Variants in ZNF469 observed in about 807,000 individuals in gnomAD.
The protein encoded by ZNF469 is zinc finger protein 469.
Under a neutral mutation model 1.0 loss-of-function variants are expected in ZNF469, and 1 was observed. The observed-to-expected ratio is 1.00, with a 90% CI of 0.35 to 4.73. The LOEUF (loss-of-function observed/expected upper bound fraction) is 4.73, where lower values mean the gene tolerates loss of function less well. Ranked by LOEUF, ZNF469 falls within the 30% of genes most tolerant of loss-of-function variation. ZNF469 has a pLI of 0.16. For missense variants in ZNF469, 6,100 were observed against 5,356.3 expected (o/e 1.14, Z -4.33); for synonymous variants, 2,703 against 2,363.4 (o/e 1.14, Z -4.17).
chr16:88,152,148 G>A, the ZNF469 span, among the ~76,000 whole-genome samples: 2 of 152,186 alleles, frequency 1.3e-5, no homozygotes, highest in Non-Finnish European at 2.9e-5. The surrounding 1 kb of genome is among the most constrained non-coding windows in gnomAD (Gnocchi z 4.2). Flanking sequence ...TCAGGCTGTG[G>A]ATGCAAAAAC....
At chr16:88,391,747 C>A (rs1904497800) in intron 1 of ZNF469, among the ~76,000 whole-genome samples, 1 of 152,218 alleles carries the variant, frequency 6.6e-6, no homozygotes, top group African/African-American at 2.4e-5. Flanking sequence ...CACATCTCAT[C>A]GGCTTTCAAG....
chr16:88,229,560 G>T, the ZNF469 span, among the ~76,000 whole-genome samples: 1 of 135,508 alleles, frequency 7.4e-6, no homozygotes, highest in African/African-American at 2.6e-5. Context: ...TCACACGTGT[G>T]GATGTCACGC....
At chr16:88,202,691 C>T in the ZNF469 span, among the ~76,000 whole-genome samples, 1 of 152,128 alleles carries the variant, frequency 6.6e-6, no homozygotes, top group African/African-American at 2.4e-5. Context: ...TCCAGGTGGC[C>T]GGATGGTGGT....
the ZNF469 span, among the ~76,000 whole-genome samples, chr16:88,356,715 C>A: frequency 6.6e-6 from 1 of 152,182 alleles, no homozygotes; most frequent in Non-Finnish European, 1.5e-5. Context: ...GGGTTTCCGT[C>A]GTTCCGTGAC....
chr16:88,214,456 C>G, the ZNF469 span, among the ~76,000 whole-genome samples: 1 of 138,710 alleles, frequency 7.2e-6, no homozygotes, highest in Non-Finnish European at 1.6e-5. Flanking sequence ...TCTACCTCTC[C>G]TTTTAGTTCT....
At chr16:88,154,615 G>T in the ZNF469 span, among the ~76,000 whole-genome samples, 2 of 152,248 alleles carry the variant, frequency 1.3e-5, no homozygotes, top group Non-Finnish European at 1.5e-5. Flanking sequence ...CTGAGGAGGA[G>T]CTGAGGCTCA....
the ZNF469 span, among the ~76,000 whole-genome samples, chr16:88,140,951 A>G: frequency 6.6e-6 from 1 of 151,966 alleles, no homozygotes; most frequent in Non-Finnish European, 1.5e-5. Flanking sequence ...AAACAAACAA[A>G]AAAACAAAAA....
At chr16:88,146,320 C>T in the ZNF469 span, among the ~76,000 whole-genome samples, 1 of 152,190 alleles carries the variant, frequency 6.6e-6, no homozygotes. Flanking sequence ...AGGGTGAGGT[C>T]AGGCCCTTCT....
At chr16:88,335,370 G>GC in the ZNF469 span, among the ~76,000 whole-genome samples, 2 of 152,240 alleles carry the variant, frequency 1.3e-5, no homozygotes, top group Non-Finnish European at 2.9e-5. Context: ...GTGGATGAGG[G>GC]CCACTCCGGG....
chr16:88,242,169 C>G, the ZNF469 span, among the ~76,000 whole-genome samples: 1 of 152,332 alleles, frequency 6.6e-6, no homozygotes, highest in Non-Finnish European at 1.5e-5. Flanking sequence ...GCAACCGGCT[C>G]TAGTGGTCAA....
the ZNF469 span, among the ~76,000 whole-genome samples, chr16:88,361,742 A>G: frequency 1.3e-5 from 2 of 150,844 alleles, no homozygotes; most frequent in Admixed American, 1.3e-4. Context: ...TTTTTCTCAT[A>G]TGTTCTTGCT....
chr16:88,433,766 CAG>C lies in ZNF469; in HGVS notation c.6297_6298del (p.Asp2101Ter), dbSNP rs764745826. The C allele has an allele frequency of 1.3e-6, 2 of 1,549,566 alleles. No homozygotes were observed. Among genetic ancestry groups the C allele is most frequent in the African/African-American group, 1.4e-5 (1 of 73,174 alleles). On this transcript the variant is annotated frameshift_variant, in exon 3 of 3. Transcript: ENST00000565624. LOFTEE classifies it low-confidence loss of function (END_TRUNC). Reference sequence around the variant, plus strand: ...GGCCTGAACAAGCCACTGCTGGCCACAGGGGATAGCCCAGCACCCTCTGTCGG... The same window carrying C: ...GGCCTGAACAAGCCACTGCTGGCCACGGGATAGCCCAGCACCCTCTGTCGG...
intron 1 of ZNF469, among the ~76,000 whole-genome samples, chr16:88,397,624 G>C (rs1258844494): frequency 1.1e-5 from 1 of 89,670 alleles, no homozygotes; most frequent in Non-Finnish European, 2.3e-5. Flanking sequence ...TGGATGGGTG[G>C]ATGGATGGAT....
chr16:88,394,917 G>C (rs1259319661), intron 1 of ZNF469, among the ~76,000 whole-genome samples: 1 of 152,030 alleles, frequency 6.6e-6, no homozygotes, highest in African/African-American at 2.4e-5. Context: ...TACTCACCCC[G>C]ATCCCTCCCT....
At chr16:88,267,475 T>C in the ZNF469 span, among the ~76,000 whole-genome samples, 1 of 152,224 alleles carries the variant, frequency 6.6e-6, no homozygotes, top group Non-Finnish European at 1.5e-5. Flanking sequence ...TCTGCTCATC[T>C]CATGCCCAGG....
At chr16:88,102,730 G>C in the ZNF469 span, among the ~76,000 whole-genome samples, 3 of 152,232 alleles carry the variant, frequency 2.0e-5, no homozygotes, top group Non-Finnish European at 4.4e-5. Context: ...GGATTGGGCT[G>C]TGAAAGAGGA....
the ZNF469 span, among the ~76,000 whole-genome samples, chr16:88,297,913 C>G: frequency 6.6e-6 from 1 of 152,168 alleles, no homozygotes; most frequent in Middle Eastern, 3.4e-3. Flanking sequence ...CCCAGGAGTC[C>G]CTGGGAGGTG....
chr16:88,116,301 A>C, the ZNF469 span, among the ~76,000 whole-genome samples: 3 of 152,164 alleles, frequency 2.0e-5, no homozygotes, highest in Admixed American at 2.0e-4. Context: ...GACGGCCAGC[A>C]CAGAACCGGT....
the ZNF469 span, among the ~76,000 whole-genome samples, chr16:88,371,262 C>A: frequency 1.3e-5 from 2 of 152,252 alleles, no homozygotes; most frequent in African/African-American, 2.4e-5. Flanking sequence ...TTAGTCAATA[C>A]TAAGCACACA....
Sources: gnomAD v4.1 joint callset for allele counts (sites outside exome capture counted in the v4.1 genomes callset) on GRCh38, gnomAD v4.1.1 for gene constraint, Gnocchi (gnomAD v3.1) non-coding constraint, MANE v1.5 for transcripts, NCBI Gene and HGNC (gene_info 2026-07-23, HGNC 2026-07-21) for gene names.